The following PDE11A variants were observed in gnomAD, a reference collection of about 807,000 sequenced individuals.
PDE11A encodes dual 3',5'-cyclic-AMP and -GMP phosphodiesterase 11A.
A neutral mutation model predicts 100.5 loss-of-function variants in PDE11A; 100 were observed. The ratio of observed to expected loss-of-function variants is 1.00; its 90% CI spans 0.85 to 1.18. The LOEUF (loss-of-function observed/expected upper bound fraction) is 1.18. Ranked by LOEUF, PDE11A falls within the 50% of genes most tolerant of loss-of-function variation. The pLI, the probability that PDE11A is intolerant of heterozygous loss-of-function variation, is 0.00. For synonymous variants in PDE11A, 381 were observed against 420.8 expected, an observed-to-expected ratio of 0.91 and a Z score of 1.16; for missense variants, 1,141 against 1,152.6, an observed-to-expected ratio of 0.99 and a Z score of 0.15.
chr2:177,889,728 G>A (rs2084499614), intron 4 of PDE11A, among the ~76,000 whole-genome samples: 1 of 150,710 alleles, frequency 6.6e-6, no homozygotes, highest in African/African-American at 2.4e-5. Context: ...TTTTTTTCAA[G>A]TTCTACCAAC....
chr2:177,918,455 A>G (rs983065433), intron 2 of PDE11A, among the ~76,000 whole-genome samples: 2 of 152,244 alleles, frequency 1.3e-5, no homozygotes, highest in African/African-American at 4.8e-5. Flanking sequence ...AAGACAGCAG[A>G]AGGAAAGAAT....
At chr2:178,078,318 T>C (rs2087233621) in intron 2 of PDE11A, among the ~76,000 whole-genome samples, 1 of 152,170 alleles carries the variant, frequency 6.6e-6, no homozygotes, top group Non-Finnish European at 1.5e-5. Flanking sequence ...CTACCTGCTA[T>C]AAACCATAGA....
At chr2:177,960,669 A>T (rs1199110496) in intron 2 of PDE11A, among the ~76,000 whole-genome samples, 1 of 152,206 alleles carries the variant, frequency 6.6e-6, no homozygotes, top group African/African-American at 2.4e-5. Flanking sequence ...CAAGAAGAAA[A>T]AAAAATGAAG....
chr2:177,903,962 T>G (rs1292379859), intron 3 of PDE11A, among the ~76,000 whole-genome samples: 2 of 152,220 alleles, frequency 1.3e-5, no homozygotes, highest in African/African-American at 4.8e-5. Context: ...TATGTCATGC[T>G]AAAGACCATG....
intron 2 of PDE11A, among the ~76,000 whole-genome samples, chr2:178,006,591 C>T (rs2086214630): frequency 6.6e-6 from 1 of 152,120 alleles, no homozygotes; most frequent in African/African-American, 2.4e-5. Flanking sequence ...CTGGCAGGTG[C>T]TGTGTTGGTA....
At chr2:177,941,025 A>G (rs2085340301) in intron 2 of PDE11A, among the ~76,000 whole-genome samples, 1 of 152,154 alleles carries the variant, frequency 6.6e-6, no homozygotes, top group African/African-American at 2.4e-5. Flanking sequence ...TAGGGCTCTT[A>G]ATCTTCTCCA....
chr2:177,897,334 A>G (rs1342590790), intron 4 of PDE11A, among the ~76,000 whole-genome samples: 1 of 152,234 alleles, frequency 6.6e-6, no homozygotes, highest in Non-Finnish European at 1.5e-5. Context: ...TAACAAAACC[A>G]GAAAGCTGGC....
chr2:178,067,267 G>C (rs551133556), intron 1 of PDE11A, among the ~76,000 whole-genome samples: 1 of 152,086 alleles, frequency 6.6e-6, no homozygotes, highest in African/African-American at 2.4e-5. Flanking sequence ...CTGCCACCAG[G>C]TTACCCAAAA....
chr2:177,665,635 C>T (rs2105481493), intron 18 of PDE11A, among the ~76,000 whole-genome samples: 1 of 151,716 alleles, frequency 6.6e-6, no homozygotes, highest in South Asian at 2.1e-4. Flanking sequence ...GAGGGAGGAT[C>T]ACTTGAGATC....
chr2:177,979,180 C>T (rs1170685095), intron 2 of PDE11A, among the ~76,000 whole-genome samples: 4 of 150,092 alleles, frequency 2.7e-5, no homozygotes. Flanking sequence ...GTCTATGGTT[C>T]ACCATAGCAT....
intron 15 of PDE11A, among the ~76,000 whole-genome samples, chr2:177,691,059 G>A (rs887482386): frequency 6.6e-6 from 1 of 152,184 alleles, no homozygotes; most frequent in Non-Finnish European, 1.5e-5. Context: ...AAAGAGTAAG[G>A]TGTCTGCATT....
chr2:178,000,924 T>C (rs980661790), intron 2 of PDE11A, among the ~76,000 whole-genome samples: 2 of 152,156 alleles, frequency 1.3e-5, no homozygotes, highest in African/African-American at 4.8e-5. Context: ...AAAGTGAAGA[T>C]GCAACAGTAG....
chr2:177,685,003 T>C (rs986034897), intron 15 of PDE11A, among the ~76,000 whole-genome samples: 3 of 152,180 alleles, frequency 2.0e-5, no homozygotes, highest in African/African-American at 7.2e-5. Flanking sequence ...TTGTCATATG[T>C]TCCTGGGTGG....
intron 1 of PDE11A, 74 bp from the exon 2 acceptor site, chr2:178,014,534 T>C: frequency 8.7e-7 from 1 of 1,151,656 alleles, no homozygotes; most frequent in Non-Finnish European, 1.3e-6. Flanking sequence ...GGTTTATTTC[T>C]GCATATGATA....
At chr2:177,824,577 C>T (rs1325422566) in intron 6 of PDE11A, among the ~76,000 whole-genome samples, 2 of 152,156 alleles carry the variant, frequency 1.3e-5, no homozygotes, top group Non-Finnish European at 2.9e-5. Context: ...AGTATAAATA[C>T]ATACTCTTTG....
At chr2:177,771,656 C>A (rs1230516537) in intron 9 of PDE11A, among the ~76,000 whole-genome samples, 1 of 152,154 alleles carries the variant, frequency 6.6e-6, no homozygotes, top group African/African-American at 2.4e-5. Context: ...ATTATAAGAT[C>A]TGCAGCAACT....
chr2:177,664,969 T>G (rs1221564632), intron 18 of PDE11A, among the ~76,000 whole-genome samples: 3 of 151,400 alleles, frequency 2.0e-5, no homozygotes, highest in Non-Finnish European at 4.4e-5. Context: ...AGAGTGGGAG[T>G]GGGTGGGGCA....
intron 12 of PDE11A, among the ~76,000 whole-genome samples, chr2:177,719,332 A>T (rs2081490793): frequency 6.6e-6 from 1 of 152,196 alleles, no homozygotes; most frequent in Non-Finnish European, 1.5e-5. Flanking sequence ...GATGTACTAG[A>T]AATTCCTAAT....
rs370690629 is a variant in PDE11A, at chr2:178,104,474, G to A, written c.-11C>T. On this transcript the variant is annotated splice_region_variant and 5_prime_UTR_variant, in exon 2 of 21. Transcript: ENST00000358450. Reference sequence around the variant, plus strand: ...TGCCTGCTTCAGCATCTCCCATGTTGCTCTGCAATGGAACATTAAAACCAC... The same window carrying A: ...TGCCTGCTTCAGCATCTCCCATGTTACTCTGCAATGGAACATTAAAACCAC... 8.8e-5 allele frequency: 142 copies of A among 1,613,168 alleles called. No individual in the cohort carries two copies. The African/African-American group carries it at 1.8e-3, about 21-fold the overall frequency.
Sources: gnomAD v4.1 joint callset for allele counts (sites outside exome capture counted in the v4.1 genomes callset) on GRCh38, gnomAD v4.1.1 for gene constraint, MANE v1.5 for transcripts, NCBI Gene and HGNC (gene_info 2026-07-23, HGNC 2026-07-21) for gene names.